ZBTB46: variants seen among roughly 807,000 people sequenced by gnomAD.
The protein encoded by ZBTB46 is zinc finger and BTB domain-containing protein 46.
ZBTB46 carries 8 observed loss-of-function variants against 44.1 expected under a neutral mutation model. That is an observed-to-expected ratio of 0.18 (90% CI 0.11 to 0.33). The LOEUF (loss-of-function observed/expected upper bound fraction) is 0.33. ZBTB46 is among the 10% of genes least tolerant of loss of function. ZBTB46 has a pLI of 1.00. For synonymous variants in ZBTB46, 409 were observed against 382.3 expected (o/e 1.07, Z -0.81); for missense variants, 651 against 847.7 (o/e 0.77, Z 2.88).
At chr20:63,782,597 G>C (rs992220640) in intron 2 of ZBTB46, among the ~76,000 whole-genome samples, 3 of 152,186 alleles carry the variant, frequency 2.0e-5, no homozygotes, top group African/African-American at 7.2e-5. Context: ...AAAGACACCT[G>C]CAGGAGAGCC....
At position 63,767,409 on chromosome 20, in the gene ZBTB46, C is replaced by T. The variant is rs943809123; in HGVS notation, c.1222+8269G>A. ...TGGAGATGCCTTCACCTGGCAGCAG[C>T]CGGCAGAGGACTCGAGAAATGACCA... On this transcript the variant is annotated intron_variant, in intron 3 of 4. Coordinates refer to ENST00000245663, the MANE Select transcript of ZBTB46 (RefSeq NM_001369741.1). This position sits in a 1 kb window ranked among gnomAD's most constrained non-coding sequence, Gnocchi z 5.0. Among the ~76,000 whole-genome samples the T allele has an allele frequency of 1.3e-5, 2 of 152,134 alleles. No homozygotes were observed. Among genetic ancestry groups the T allele is most frequent in the South Asian group, 2.1e-4 (1 of 4,828 alleles).
intron 1 of ZBTB46, among the ~76,000 whole-genome samples, chr20:63,823,175 C>T (rs4809364): frequency 6.6e-6 from 1 of 150,380 alleles, no homozygotes; most frequent in Non-Finnish European, 1.5e-5. Context: ...CTCAAAAATA[C>T]ATACATAAAA....
intron 4 of ZBTB46, among the ~76,000 whole-genome samples, chr20:63,750,481 C>T (rs1356141809): frequency 6.6e-6 from 1 of 151,734 alleles, no homozygotes; most frequent in African/African-American, 2.4e-5. Context: ...TCAAGCTATT[C>T]TCCTGCCCCA....
intron 1 of ZBTB46, among the ~76,000 whole-genome samples, chr20:63,792,955 T>C (rs1476631212): frequency 6.6e-6 from 1 of 152,094 alleles, no homozygotes; most frequent in Non-Finnish European, 1.5e-5. Context: ...TGGTGTGGGG[T>C]TCCCAGGCCC....
chr20:63,809,579 G>A (rs1051081878), intron 1 of ZBTB46, among the ~76,000 whole-genome samples: 3 of 152,200 alleles, frequency 2.0e-5, no homozygotes, highest in Admixed American at 6.5e-5. Context: ...GAAGTTAGCC[G>A]TGTGGTGGCC....
At chr20:63,795,115 G>T (rs1329056580) in intron 1 of ZBTB46, among the ~76,000 whole-genome samples, 1 of 152,232 alleles carries the variant, frequency 6.6e-6, no homozygotes, top group Non-Finnish European at 1.5e-5. Flanking sequence ...CGCCGCCTCT[G>T]CTGTCTCCTC....
At chr20:63,804,237 C>A (rs2092667350) in intron 1 of ZBTB46, among the ~76,000 whole-genome samples, 1 of 152,168 alleles carries the variant, frequency 6.6e-6, no homozygotes, top group Admixed American at 6.5e-5. Flanking sequence ...GGAGCAGTGC[C>A]TGGCTCGGGC....
At chr20:63,814,448 CTG>C (rs2092736541) in intron 1 of ZBTB46, among the ~76,000 whole-genome samples, 1 of 152,120 alleles carries the variant, frequency 6.6e-6, no homozygotes. Context: ...TTTTACAAAA[CTG>C]GGAAAATATA....
At chr20:63,812,636 G>A (rs189185366) in intron 1 of ZBTB46, among the ~76,000 whole-genome samples, 1 of 152,006 alleles carries the variant, frequency 6.6e-6, no homozygotes, top group Admixed American at 6.5e-5. Flanking sequence ...AAAATTAGCT[G>A]GGTGTGGTGG....
Position 63,752,586 on chromosome 20 carries a change from G to T in ZBTB46, c.1398+100C>A. The stretch of plus-strand genomic sequence containing the variant: ...CGTCCCCCCTGTGCAGAGTGGACCC[G>T]GTGTGGGGTCCGGGGCGGTCTGCGC... On this transcript the variant is annotated intron_variant, in intron 4 of 4. Transcript: ENST00000245663. The surrounding 1 kb of genome is among the most constrained non-coding windows in gnomAD (Gnocchi z 5.6). 7.4e-7 allele frequency: 1 copy of T among 1,342,966 alleles called. No homozygotes were observed. Among genetic ancestry groups the T allele is most frequent in the Non-Finnish European group, 9.7e-7 (1 of 1,029,160 alleles). The allele number at this position is 1,342,966 out of a possible 1,614,324, so 83.2% of individuals were successfully genotyped here.
In ZBTB46 at chr20:63,747,029, A is replaced by C; in HGVS notation, c.1671T>G (p.Pro557=). 1 of 1,608,194 alleles carries C rather than the reference A, an allele frequency of 6.2e-7. No individual in the cohort carries two copies. The highest frequency in any genetic ancestry group is 8.5e-7 in the Non-Finnish European group (1 of 1,179,404). The change falls in exon 5 of 5, where the codon CCT becomes CCG. Residue 557 remains proline, a synonymous_variant. Coordinates refer to ENST00000245663, the MANE Select transcript of ZBTB46 (RefSeq NM_001369741.1). The stretch of plus-strand genomic sequence containing the variant: ...TGTCGTCCGCCAACAGCGCATCCTC[A>C]GGGGCCAGGCCCTCGTCGTCCTCGC... ...ELGEDDEGLA[P]EDALLADDKD...
At chr20:63,760,242 C>T (rs2092261386) in intron 3 of ZBTB46, among the ~76,000 whole-genome samples, 1 of 152,104 alleles carries the variant, frequency 6.6e-6, no homozygotes, top group African/African-American at 2.4e-5. Context: ...AGGCACTCGC[C>T]CTGAAGCTTT....
At position 63,775,644 on chromosome 20, in the gene ZBTB46, C is replaced by T. The variant is rs1369763642; in HGVS notation, c.1222+34G>A. On this transcript the variant is annotated intron_variant, in intron 3 of 4. Transcript: ENST00000245663. ...GCAACCCTCAGCCTTCAAAACCACA[C>T]CAAAGCCAAGCGGCCCCCAGGGCCT... 6 of 1,526,670 alleles carry T rather than the reference C, an allele frequency of 3.9e-6. No individual in the cohort carries two copies. The Admixed American group carries it at 6.3e-5, about 16-fold the overall frequency. The allele number at this position is 1,526,670 out of a possible 1,614,324, so 94.6% of individuals were successfully genotyped here.
At position 63,775,976 on chromosome 20, in the gene ZBTB46, G is replaced by A. The variant is rs773052567; in HGVS notation, c.938-14C>T. On this transcript the variant is annotated splice_polypyrimidine_tract_variant and intron_variant, in intron 2 of 4. Transcript: ENST00000245663. ...ACAGGTCCGCATCTGGGGACAGAGG[G>A]ACACACGTCAGAAGACACGGGTCGT... 8 of 1,534,988 alleles carry A rather than the reference G, an allele frequency of 5.2e-6. No homozygotes were observed. The highest frequency in any genetic ancestry group is 1.4e-5 in the African/African-American group (1 of 72,826).
At chr20:63,792,425 G>GGGGCCA (rs1256759398) in intron 1 of ZBTB46, among the ~76,000 whole-genome samples, 3 of 152,102 alleles carry the variant, frequency 2.0e-5, no homozygotes, top group East Asian at 1.9e-4. Context: ...CATGGGGGAC[G>GGGGCCA]GGGTCGGGGG....
rs1568816082 is a variant in ZBTB46, at chr20:63,743,910, ATAAG to A, written c.*3016_*3019del. 2.6e-5 allele frequency: 4 copies of A among 152,650 alleles called. No individual in the cohort carries two copies. Among genetic ancestry groups the A allele is most frequent in the Admixed American group, 6.5e-5 (1 of 15,288 alleles). 9.5% of individuals were successfully genotyped at this position (152,650 alleles called of 1,614,324 possible). On this transcript the variant is annotated 3_prime_UTR_variant, in exon 5 of 5. Transcript: ENST00000245663. Reference sequence around the variant, plus strand: ...TCTCCAATACAAACACAGGTTTATAATAAGTAATAGGAAGTCAATATAATATAGA... The same window carrying A: ...TCTCCAATACAAACACAGGTTTATAATAATAGGAAGTCAATATAATATAGA...
intron 3 of ZBTB46, among the ~76,000 whole-genome samples, chr20:63,770,019 C>T (rs755543939): frequency 2.0e-5 from 3 of 152,160 alleles, no homozygotes; most frequent in South Asian, 2.1e-4. Flanking sequence ...TCACGGGAGG[C>T]GGCACCGCAC....
chr20:63,790,830 G>A, intron 1 of ZBTB46, 40 bp from the exon 2 acceptor site: 1 of 1,479,932 alleles, frequency 6.8e-7, no homozygotes, highest in African/African-American at 1.4e-5. Context: ...GCTCAGCACA[G>A]ACAGAGGCCG....
chr20:63,785,533 C>T (rs2092507868), intron 2 of ZBTB46, among the ~76,000 whole-genome samples: 1 of 152,164 alleles, frequency 6.6e-6, no homozygotes, highest in Non-Finnish European at 1.5e-5. Flanking sequence ...GCACTCCAGC[C>T]TGGGTGACAG....
Sources: gnomAD v4.1 joint callset for allele counts (sites outside exome capture counted in the v4.1 genomes callset) on GRCh38, gnomAD v4.1.1 for gene constraint, Gnocchi (gnomAD v3.1) non-coding constraint, MANE v1.5 for transcripts, NCBI Gene and HGNC (gene_info 2026-07-23, HGNC 2026-07-21) for gene names.